The following SLC44A2 variants were observed in gnomAD, a reference collection of about 807,000 sequenced individuals.
SLC44A2 encodes choline transporter-like protein 2.
A neutral mutation model predicts 90.8 loss-of-function variants in SLC44A2; 57 were observed. The observed-to-expected ratio is 0.63, with a 90% CI of 0.51 to 0.78. The LOEUF (loss-of-function observed/expected upper bound fraction) is 0.78, where lower values mean the gene tolerates loss of function less well. Among genes scored for constraint, SLC44A2 ranks in the 30% least tolerant of loss-of-function variants. The probability of loss-of-function intolerance (pLI) is 0.00; values close to 1 mark genes in which losing one functional copy is unlikely to be tolerated. For missense variants in SLC44A2, 794 were observed against 919.7 expected, an observed-to-expected ratio of 0.86 and a Z score of 1.77; for synonymous variants, 355 against 360.7, an observed-to-expected ratio of 0.98 and a Z score of 0.18.
chr19:10,620,583 T>C (rs2144828711), upstream of SLC44A2, among the ~76,000 whole-genome samples: 1 of 152,364 alleles, frequency 6.6e-6, no homozygotes, highest in South Asian at 2.1e-4. Context: ...GGCTATTCAT[T>C]CAACAAATAC....
chr19:10,608,222 C>T (rs528581617), intron 1 of SLC44A2, among the ~76,000 whole-genome samples: 1 of 130,364 alleles, frequency 7.7e-6, no homozygotes, highest in African/African-American at 2.7e-5. Context: ...GACTCCGTCT[C>T]AAAGAAAAAA....
chr19:10,627,385 A>G (rs139860433), intron 2 of SLC44A2, among the ~76,000 whole-genome samples: 74 of 151,890 alleles, frequency 4.9e-4, no homozygotes, highest in African/African-American at 1.7e-3. Flanking sequence ...AATGTATATA[A>G]ATTAAAAAAA....
upstream of SLC44A2, among the ~76,000 whole-genome samples, chr19:10,622,300 T>C (rs1255470208): frequency 2.0e-5 from 3 of 152,068 alleles, no homozygotes; most frequent in African/African-American, 7.2e-5. Flanking sequence ...CTTTGTGGGC[T>C]GTGGCGAAGA....
intron 4 of SLC44A2, among the ~76,000 whole-genome samples, chr19:10,629,257 T>C (rs1318877869): frequency 2.0e-5 from 1 of 49,918 alleles, no homozygotes; most frequent in African/African-American, 8.8e-5. Context: ...CTGCAGTTTT[T>C]AAACTATTAT....
At chr19:10,613,314 A>G (rs2066828428) in intron 1 of SLC44A2, among the ~76,000 whole-genome samples, 2 of 151,568 alleles carry the variant, frequency 1.3e-5, no homozygotes, top group African/African-American at 2.4e-5. Context: ...CAGTGGCGCA[A>G]TCTTGGCTTG....
At chr19:10,621,845 G>A (rs902904997), upstream of SLC44A2, among the ~76,000 whole-genome samples, 3 of 152,166 alleles carry the variant, frequency 2.0e-5, no homozygotes, top group Non-Finnish European at 2.9e-5. Context: ...TGGAACTCCC[G>A]ACCTCAGGTG....
rs1322072210 is a variant in SLC44A2, at chr19:10,602,545, GA to G, written c.20del (p.Asn7ThrfsTer42). The G allele has an allele frequency of 1.0e-5, 13 of 1,281,018 alleles. No individual in the cohort carries two copies. Among genetic ancestry groups the G allele is most frequent in the South Asian group, 5.7e-5 (2 of 35,344 alleles). The allele number at this position is 1,281,018 out of a possible 1,614,324, so 79.4% of individuals were successfully genotyped here. A position where few individuals can be genotyped will look rare whatever the true frequency, so the allele number is the denominator to read the frequency against. ...CCGCCGCGGCCATGGAGGACGAGCG[GA>G]AAAACGGAGCCTACGGTAGGAGCCG... On this transcript the variant is annotated frameshift_variant, in exon 1 of 22. Coordinates refer to the SLC44A2 transcript ENST00000407327. LOFTEE classifies it high-confidence loss of function.
intron 1 of SLC44A2, chr19:10,602,633 T>C: frequency 8.2e-7 from 1 of 1,214,116 alleles, no homozygotes; most frequent in Non-Finnish European, 1.0e-6. Flanking sequence ...CAGGGGGACA[T>C]CTGAGACCCT....
At chr19:10,625,727 G>A (rs2066926202) in intron 1 of SLC44A2, 57 bp downstream of exon 1, 3 of 1,217,988 alleles carry the variant, frequency 2.5e-6, no homozygotes, top group East Asian at 6.3e-5. Flanking sequence ...CTCGGAGGGG[G>A]CCTTGAGAGA....
intron 1 of SLC44A2, among the ~76,000 whole-genome samples, chr19:10,610,580 G>T (rs189767513): frequency 2.1e-5 from 3 of 144,030 alleles, no homozygotes; most frequent in African/African-American, 7.8e-5. Context: ...TGATCTGCCC[G>T]CCTCGGCCTC....
Position 10,643,592 on chromosome 19 carries a change from GC to G in SLC44A2, c.*211del. 1.9e-6 allele frequency: 1 copy of G among 531,308 alleles called. No homozygotes were observed. The allele number at this position is 531,308 out of a possible 1,614,324, so 32.9% of individuals were successfully genotyped here. On this transcript the variant is annotated 3_prime_UTR_variant, in exon 22 of 22. Coordinates refer to ENST00000335757, the MANE Select transcript of SLC44A2 (RefSeq NM_020428.4). The stretch of plus-strand genomic sequence containing the variant: ...AGGGGCGCTTGGAGTTTTCATGGCT[GC>G]CCCTCCAGACTGCGAGAAACAAGTA...
upstream of SLC44A2, among the ~76,000 whole-genome samples, chr19:10,622,445 CAGG>C (rs2066900666): frequency 6.6e-6 from 1 of 151,922 alleles, no homozygotes. Flanking sequence ...TTGGTCCAGG[CAGG>C]AGATGACAGG....
At chr19:10,615,573 CAAAA>C (rs538192367) in intron 1 of SLC44A2, among the ~76,000 whole-genome samples, 1 of 107,062 alleles carries the variant, frequency 9.3e-6, no homozygotes, top group Non-Finnish European at 2.0e-5. Context: ...GACTCCGTCT[CAAAA>C]AAAAAAAAAA....
intron 4 of SLC44A2, among the ~76,000 whole-genome samples, chr19:10,630,709 A>G (rs1351524606): frequency 6.6e-6 from 1 of 151,292 alleles, no homozygotes; most frequent in Non-Finnish European, 1.5e-5. Context: ...AGGGTGGTTA[A>G]GAAGTCTTAA....
At chr19:10,613,546 T>C (rs185000127) in intron 1 of SLC44A2, among the ~76,000 whole-genome samples, 1 of 152,238 alleles carries the variant, frequency 6.6e-6, no homozygotes, top group East Asian at 1.9e-4. Context: ...CCACTGCGCC[T>C]GGCCAAGTTG....
At chr19:10,608,992 C>G (rs1001995261) in intron 1 of SLC44A2, among the ~76,000 whole-genome samples, 1 of 128,424 alleles carries the variant, frequency 7.8e-6, no homozygotes, top group Non-Finnish European at 1.6e-5. Flanking sequence ...GAGTCTTGCT[C>G]TGTTGCCCAG....
chr19:10,636,945 C>T (rs550591750), intron 16 of SLC44A2, 189 bp downstream of exon 16: 603 of 617,864 alleles, frequency 9.8e-4, no homozygotes, highest in Non-Finnish European at 1.5e-3. Flanking sequence ...AACCAGAGAA[C>T]CTACTGGGTG....
chr19:10,626,357 C>A, intron 2 of SLC44A2, 56 bp downstream of exon 2: 1 of 1,258,052 alleles, frequency 7.9e-7, no homozygotes, highest in Non-Finnish European at 1.2e-6. Context: ...CAATCCCTGT[C>A]TCTTCACACC....
intron 1 of SLC44A2, among the ~76,000 whole-genome samples, chr19:10,618,010 AT>A (rs978383683): frequency 1.3e-5 from 2 of 151,750 alleles, no homozygotes; most frequent in African/African-American, 4.8e-5. Flanking sequence ...TCCATGTGGA[AT>A]TTTTTTTCTT....
Sources: gnomAD v4.1 joint callset for allele counts (sites outside exome capture counted in the v4.1 genomes callset) on GRCh38, gnomAD v4.1.1 for gene constraint, MANE v1.5 for transcripts, NCBI Gene and HGNC (gene_info 2026-07-23, HGNC 2026-07-21) for gene names.